The following CSMD1 variants were observed in gnomAD, a reference collection of about 807,000 sequenced individuals.
The protein encoded by CSMD1 is CUB and Sushi multiple domains 1, also known as CUB and sushi domain-containing protein 1.
In CSMD1, 213 loss-of-function variants were observed where a neutral mutation model predicts 417.5. The observed-to-expected ratio is 0.51, with a 90% confidence interval of 0.46 to 0.57. The LOEUF is 0.57. CSMD1 is among the 20% of genes least tolerant of loss of function. The probability of loss-of-function intolerance (pLI) is 0.00; values close to 1 mark genes in which losing one functional copy is unlikely to be tolerated. For synonymous variants in CSMD1, 2,862 were observed against 1,736.8 expected, an observed-to-expected ratio of 1.65 and a Z score of -16.11; for missense variants, 6,923 against 4,529.7, an observed-to-expected ratio of 1.53 and a Z score of -15.17.
At chr8:3,881,853 G>C (rs573112706) in intron 5 of CSMD1, among the ~76,000 whole-genome samples, 6 of 152,134 alleles carry the variant, frequency 3.9e-5, no homozygotes, top group African/African-American at 1.4e-4. Flanking sequence ...AGGGCAAGGG[G>C]AAAAGGATTG....
intron 3 of CSMD1, among the ~76,000 whole-genome samples, chr8:4,229,761 C>A (rs1399171805): frequency 6.6e-6 from 1 of 152,258 alleles, no homozygotes; most frequent in East Asian, 1.9e-4. Context: ...TAGCATATCA[C>A]AATGCGACCC....
intron 3 of CSMD1, among the ~76,000 whole-genome samples, chr8:4,355,978 T>G (rs1280753893): frequency 1.3e-5 from 2 of 152,198 alleles, no homozygotes; most frequent in African/African-American, 4.8e-5. Flanking sequence ...CTTTCTTATT[T>G]TTTCATGATA....
At chr8:3,111,030 T>A (rs1056377542) in intron 42 of CSMD1, among the ~76,000 whole-genome samples, 1 of 152,186 alleles carries the variant, frequency 6.6e-6, no homozygotes, top group Non-Finnish European at 1.5e-5. Context: ...TGAAATATAG[T>A]CTTTAATTTA....
intron 7 of CSMD1, among the ~76,000 whole-genome samples, chr8:3,645,801 G>C (rs953102554): frequency 6.6e-6 from 1 of 152,112 alleles, no homozygotes; most frequent in Non-Finnish European, 1.5e-5. Context: ...CCAAAACAAA[G>C]CTGTCTATTC....
chr8:4,814,397 C>T (rs563336641), intron 1 of CSMD1, among the ~76,000 whole-genome samples: 1 of 152,242 alleles, frequency 6.6e-6, no homozygotes, highest in East Asian at 1.9e-4. Flanking sequence ...AAGCATGCAC[C>T]GCCAAGCCTG....
chr8:3,692,297 C>T (rs934337250), intron 7 of CSMD1, among the ~76,000 whole-genome samples: 13 of 152,170 alleles, frequency 8.5e-5, no homozygotes, highest in African/African-American at 3.1e-4. Flanking sequence ...GTATACACCC[C>T]ACTGAACTTC....
intron 3 of CSMD1, among the ~76,000 whole-genome samples, chr8:4,387,674 A>T (rs1803547894): frequency 6.6e-6 from 1 of 151,880 alleles, no homozygotes; most frequent in South Asian, 2.1e-4. Context: ...ACATCAATTA[A>T]GGGCTTTTAC....
chr8:4,126,197 G>C (rs1802754629), intron 3 of CSMD1, among the ~76,000 whole-genome samples: 1 of 152,226 alleles, frequency 6.6e-6, no homozygotes, highest in South Asian at 2.1e-4. Flanking sequence ...TAAAAACCCT[G>C]ATCCCCAAAT....
intron 3 of CSMD1, among the ~76,000 whole-genome samples, chr8:4,149,129 A>G (rs970794895): frequency 2.0e-5 from 3 of 151,980 alleles, no homozygotes; most frequent in Non-Finnish European, 4.4e-5. Context: ...ACACCCAGCT[A>G]ATTTTTCTAT....
intron 7 of CSMD1, among the ~76,000 whole-genome samples, chr8:3,691,321 C>T (rs1218135337): frequency 2.0e-5 from 3 of 151,654 alleles, no homozygotes; most frequent in East Asian, 1.9e-4. Context: ...GAGCCGGGAT[C>T]GTGCCACTGC....
chr8:4,169,849 G>A (rs552497474), intron 3 of CSMD1, among the ~76,000 whole-genome samples: 3 of 152,146 alleles, frequency 2.0e-5, no homozygotes, highest in South Asian at 2.1e-4. Context: ...TCCATAGCAT[G>A]CGTCATCATT....
intron 47 of CSMD1, among the ~76,000 whole-genome samples, chr8:3,095,559 T>C (rs1815239380): frequency 6.6e-6 from 1 of 152,182 alleles, no homozygotes; most frequent in Admixed American, 6.5e-5. Context: ...TGAAAATACA[T>C]TAATTGATTC....
chr8:4,173,133 C>T (rs1346690756), intron 3 of CSMD1, among the ~76,000 whole-genome samples: 3 of 152,072 alleles, frequency 2.0e-5, no homozygotes, highest in African/African-American at 7.2e-5. Context: ...TACAGTGCAA[C>T]AAGTATAGGG....
intron 37 of CSMD1, among the ~76,000 whole-genome samples, chr8:3,173,543 T>G (rs1563109741): frequency 6.6e-6 from 1 of 152,274 alleles, no homozygotes; most frequent in South Asian, 2.1e-4. Context: ...AAAAAGATCT[T>G]ATGGAGTAAT....
chr8:4,631,502 C>G (rs761599489), intron 2 of CSMD1, among the ~76,000 whole-genome samples: 16 of 151,436 alleles, frequency 1.1e-4, no homozygotes, highest in Non-Finnish European at 2.2e-4. Context: ...TGCTAGGTCT[C>G]TAGTCTAATA....
chr8:3,245,659 C>T lies in CSMD1; in HGVS notation c.4154-15428G>A, dbSNP rs368261895. 2.0e-3 allele frequency among the ~76,000 whole-genome samples: 307 copies of T among 152,242 alleles called. 2 individuals are homozygous for T. Among genetic ancestry groups the T allele is most frequent in the Middle Eastern group, 6.8e-3 (2 of 294 alleles). ...AGGCACCTGACTCCAAGTTGCAAAACGGCCTCCTTTCATAAGGATGTACAA... is the reference window on the plus strand; with the variant it reads ...AGGCACCTGACTCCAAGTTGCAAAATGGCCTCCTTTCATAAGGATGTACAA... On this transcript the variant is annotated intron_variant, in intron 26 of 69. Coordinates refer to ENST00000635120, the MANE Select transcript of CSMD1 (RefSeq NM_033225.6).
At chr8:3,605,674 T>C (rs1003756650) in intron 8 of CSMD1, among the ~76,000 whole-genome samples, 5 of 152,206 alleles carry the variant, frequency 3.3e-5, no homozygotes, top group African/African-American at 1.2e-4. Context: ...AAACATGGTA[T>C]CCTCGAGATA....
intron 2 of CSMD1, among the ~76,000 whole-genome samples, chr8:4,533,018 C>A (rs1242193994): frequency 6.6e-6 from 1 of 152,218 alleles, no homozygotes; most frequent in Non-Finnish European, 1.5e-5. Context: ...CTCACAGTCA[C>A]TCCGGAGTTT....
At chr8:4,859,720 A>C (rs1467839812) in intron 1 of CSMD1, among the ~76,000 whole-genome samples, 3 of 152,084 alleles carry the variant, frequency 2.0e-5, no homozygotes, top group Non-Finnish European at 4.4e-5. Context: ...ATACCATCTC[A>C]CACCAGTTAG....
Sources: allele counts gnomAD v4.1 joint callset (sites outside exome capture counted in the v4.1 genomes callset), GRCh38; gene constraint gnomAD v4.1.1; transcripts MANE v1.5; gene names NCBI Gene and HGNC (gene_info 2026-07-23, HGNC 2026-07-21).